Variants in HIVEP3 observed in about 807,000 individuals in gnomAD.
HIVEP3 encodes transcription factor HIVEP3.
Under a neutral mutation model 152.8 loss-of-function variants are expected in HIVEP3, and 49 were observed. The observed-to-expected ratio is 0.32, with a 90% CI of 0.26 to 0.41. HIVEP3 has a LOEUF of 0.41. Among genes scored for constraint, HIVEP3 ranks in the 10% least tolerant of loss-of-function variants. The pLI is 1.00. For missense variants in HIVEP3, 2,790 were observed against 3,103.3 expected (o/e 0.90, Z 2.40); for synonymous variants, 1,269 against 1,289.0 (o/e 0.98, Z 0.33).
chr1:41,544,259 G>T (rs1456916670), intron 5 of HIVEP3: 1 of 152,022 alleles, frequency 6.6e-6, no homozygotes, highest in African/African-American at 2.4e-5. Flanking sequence ...TAGCACTACA[G>T]TGCATTCTCC....
intron 3 of HIVEP3, among the ~76,000 whole-genome samples, chr1:41,623,194 C>T (rs1034278445): frequency 2.6e-5 from 4 of 152,184 alleles, no homozygotes; most frequent in Admixed American, 1.3e-4. Context: ...CTACCCCAGC[C>T]GAGTCAGGCA....
chr1:41,705,919 C>G (rs1005703269), intron 1 of HIVEP3, among the ~76,000 whole-genome samples: 7 of 152,204 alleles, frequency 4.6e-5, no homozygotes, highest in African/African-American at 1.7e-4. Context: ...AACTAGGGTA[C>G]AGCTATATCA....
intron 1 of HIVEP3, among the ~76,000 whole-genome samples, chr1:41,993,544 T>G (rs892641817): frequency 3.3e-5 from 5 of 152,184 alleles, no homozygotes; most frequent in African/African-American, 1.2e-4. Flanking sequence ...ACTTATACAC[T>G]GTTGGTGGGA....
chr1:41,788,168 C>T (rs972435440), intron 1 of HIVEP3, among the ~76,000 whole-genome samples: 3 of 152,152 alleles, frequency 2.0e-5, no homozygotes, highest in Admixed American at 1.3e-4. Context: ...AAGGAGTGGC[C>T]ACCCCCCGAC....
chr1:41,974,865 A>C (rs1294144655), intron 1 of HIVEP3, among the ~76,000 whole-genome samples: 1 of 152,078 alleles, frequency 6.6e-6, no homozygotes, highest in Non-Finnish European at 1.5e-5. Flanking sequence ...AAATTTATTG[A>C]GAGTAGCAGA....
At chr1:41,729,007 G>A (rs1014486052) in intron 1 of HIVEP3, among the ~76,000 whole-genome samples, 6 of 152,144 alleles carry the variant, frequency 3.9e-5, no homozygotes, top group African/African-American at 1.4e-4. Flanking sequence ...CTGCAATCTC[G>A]CTCTCAGTCA....
At chr1:41,768,489 T>C (rs1274845537) in intron 1 of HIVEP3, among the ~76,000 whole-genome samples, 1 of 152,248 alleles carries the variant, frequency 6.6e-6, no homozygotes, top group Non-Finnish European at 1.5e-5. Context: ...GGTAAGCTTC[T>C]TTTGGAGACC....
chr1:41,653,965 A>C (rs1236991826), intron 2 of HIVEP3, among the ~76,000 whole-genome samples: 2 of 150,092 alleles, frequency 1.3e-5, no homozygotes, highest in Non-Finnish European at 3.0e-5. Flanking sequence ...AAAAAAAAAA[A>C]AAAAAAAAAA....
chr1:41,847,145 A>T (rs959359347), intron 1 of HIVEP3: 1 of 152,168 alleles, frequency 6.6e-6, no homozygotes, highest in Non-Finnish European at 1.5e-5. Flanking sequence ...TTTTCTTTTG[A>T]TTCTTTTCTG....
At chr1:41,857,090 G>C (rs1476508129) in intron 1 of HIVEP3, among the ~76,000 whole-genome samples, 1 of 152,052 alleles carries the variant, frequency 6.6e-6, no homozygotes, top group East Asian at 1.9e-4. Flanking sequence ...TCCTTCTGCA[G>C]TGCATGCCAA....
chr1:41,778,662 T>C (rs1648858881), intron 1 of HIVEP3, among the ~76,000 whole-genome samples: 1 of 152,190 alleles, frequency 6.6e-6, no homozygotes, highest in Admixed American at 6.5e-5. Flanking sequence ...GGCAGGACTA[T>C]GAGCCAGGTA....
intron 5 of HIVEP3, among the ~76,000 whole-genome samples, chr1:41,526,390 TCA>T (rs1165085304): frequency 2.8e-5 from 2 of 72,518 alleles, no homozygotes; most frequent in East Asian, 9.1e-4. Context: ...GCCCTCACAC[TCA>T]CACATGCCCA....
chr1:41,546,967 C>T (rs1040409708), intron 5 of HIVEP3, among the ~76,000 whole-genome samples: 2 of 152,224 alleles, frequency 1.3e-5, no homozygotes, highest in African/African-American at 4.8e-5. Flanking sequence ...CACTTGCTCA[C>T]ACTGACTGCA....
intron 5 of HIVEP3, among the ~76,000 whole-genome samples, chr1:41,569,781 G>A (rs982894028): frequency 6.6e-5 from 10 of 152,140 alleles, no homozygotes; most frequent in South Asian, 2.1e-4. Context: ...TCACAAAAAC[G>A]TGCTGCGTAC....
chr1:41,630,278 G>A (rs1037227828), intron 2 of HIVEP3, among the ~76,000 whole-genome samples: 11 of 152,294 alleles, frequency 7.2e-5, no homozygotes, highest in Non-Finnish European at 1.2e-4. Context: ...ACTACTGGGT[G>A]GGGGAGAGAG....
In HIVEP3 at chr1:41,582,013, A is replaced by C; in HGVS notation, c.2785T>G (p.Ser929Ala). Residue 929 changes from serine (S) to alanine (A), a missense_variant, in exon 4 of 9, where the codon TCT becomes GCT. Physicochemically the swap from Ser to Ala is moderately conservative, Grantham distance 99. Transcript: ENST00000372583. The surrounding 1 kb of genome is among the most constrained non-coding windows in gnomAD (Gnocchi z 4.7). ...TTGCTTTCCTGGCTCGGGCTGCGAG[A>C]CAGAGGCACAGAGGACTCGAAGCTG... is the stretch of plus-strand genomic sequence containing the variant. The part of the protein sequence containing the change: ...ESSFESSVPL[S>A]RSPSQESNVS... 6.2e-7 allele frequency: 1 copy of C among 1,614,148 alleles called. No homozygotes were observed. Among genetic ancestry groups the C allele is most frequent in the African/African-American group, 1.3e-5 (1 of 75,034 alleles).
Position 41,785,942 on chromosome 1 carries a change from G to A in HIVEP3, c.-800-84947C>T, listed in dbSNP as rs567865064. 1.7e-3 allele frequency among the ~76,000 whole-genome samples: 262 copies of A among 152,308 alleles called. 1 individual carries two copies. Among genetic ancestry groups the A allele is most frequent in the African/African-American group, 6.0e-3 (248 of 41,570 alleles). ...ACCCGGGAGGCAGGGAGGTTGCAGC[G>A]AGCCAAGACCGTGCCATTGCACTCC... On this transcript the variant is annotated intron_variant, in intron 1 of 8. Coordinates refer to ENST00000372583, the MANE Select transcript of HIVEP3 (RefSeq NM_024503.5).
intron 1 of HIVEP3, among the ~76,000 whole-genome samples, chr1:41,956,346 A>G (rs1645140358): frequency 6.6e-6 from 1 of 152,220 alleles, no homozygotes; most frequent in Non-Finnish European, 1.5e-5. Flanking sequence ...TGTTTCGTGT[A>G]TGAAACGGTC....
chr1:41,846,370 T>C (rs1195651152), intron 1 of HIVEP3, among the ~76,000 whole-genome samples: 1 of 152,250 alleles, frequency 6.6e-6, no homozygotes, highest in Admixed American at 6.5e-5. Context: ...TTTCAACTCA[T>C]GAATCCATTT....
Sources: allele counts gnomAD v4.1 joint callset (sites outside exome capture counted in the v4.1 genomes callset), GRCh38; gene constraint gnomAD v4.1.1; non-coding constraint Gnocchi (gnomAD v3.1); transcripts MANE v1.5; gene names NCBI Gene and HGNC (gene_info 2026-07-23, HGNC 2026-07-21).